NUP210L: variants seen among roughly 807,000 people sequenced by gnomAD.
The protein encoded by NUP210L is nucleoporin 210 like, also known as nuclear pore membrane glycoprotein 210-like.
NUP210L carries 74 observed loss-of-function variants against 208.5 expected under a neutral mutation model. That is an observed-to-expected ratio of 0.35 (90% confidence interval 0.29 to 0.43). NUP210L has a LOEUF of 0.43. NUP210L is among the 20% of genes least tolerant of loss of function. The pLI is 1.00. For missense variants in NUP210L, 1,843 were observed against 2,289.4 expected (o/e 0.81, Z 3.98); for synonymous variants, 780 against 816.9 (o/e 0.95, Z 0.77).
At chr1:154,127,328 T>C (rs1327825712) in exon 9 of NUP210L, 2 of 1,572,002 alleles carry the variant, frequency 1.3e-6, no homozygotes, top group Non-Finnish European at 1.7e-6. Flanking sequence ...ATATAGACCT[T>C]TGTGCTGCTT....
At chr1:154,044,133 T>C (rs1252065583) in intron 27 of NUP210L, among the ~76,000 whole-genome samples, 4 of 151,974 alleles carry the variant, frequency 2.6e-5, no homozygotes, top group Non-Finnish European at 5.9e-5. Flanking sequence ...CCGCTGGGCA[T>C]GGTGGCTCAT....
At chr1:154,054,403 A>G in exon 25 of NUP210L, 3 of 1,614,026 alleles carry the variant, frequency 1.9e-6, no homozygotes, top group East Asian at 4.5e-5. Context: ...ACCTTCAGAC[A>G]TTACCTGGAA....
chr1:154,154,759 T>C lies in NUP210L; in HGVS notation c.203+83A>G, dbSNP rs114573776. On this transcript the variant is annotated intron_variant, in intron 1 of 39. Transcript: ENST00000368559. ...TTCACGCGGCCCCACACGGTATTCC[T>C]GTGGGATCTTACAGAGGGAACCCCC... 2.7e-3 allele frequency: 2,991 copies of C among 1,125,376 alleles called. 76 individuals carry two copies. In the African/African-American group the frequency reaches 0.04, roughly 15 times the overall value. The allele number at this position is 1,125,376 out of a possible 1,614,324, so 69.7% of individuals were successfully genotyped here. A position where few individuals can be genotyped will look rare whatever the true frequency, so the allele number is the denominator to read the frequency against.
intron 25 of NUP210L, among the ~76,000 whole-genome samples, chr1:154,051,167 G>A (rs1653467012): frequency 1.3e-5 from 2 of 152,190 alleles, no homozygotes; most frequent in African/African-American, 2.4e-5. Flanking sequence ...GGAATCAAAT[G>A]GCTGATTGCC....
At chr1:154,151,047 G>A (rs4521985) in intron 2 of NUP210L, among the ~76,000 whole-genome samples, 46,420 of 151,926 alleles carry the variant, frequency 0.31, 8,037 homozygotes, top group Admixed American at 0.45. Context: ...TTGGTCCCAA[G>A]TCAGACGAAG....
chr1:154,057,359 G>A (rs1014601177), intron 22 of NUP210L, among the ~76,000 whole-genome samples: 1 of 152,040 alleles, frequency 6.6e-6, no homozygotes, highest in Non-Finnish European at 1.5e-5. Context: ...TGGTTAGGGG[G>A]AATTGCAAGA....
At chr1:154,068,839 G>A (rs573655825) in intron 17 of NUP210L, among the ~76,000 whole-genome samples, 7 of 152,052 alleles carry the variant, frequency 4.6e-5, no homozygotes, top group Non-Finnish European at 4.4e-5. Context: ...GTGGGGGAAG[G>A]GGGGAGGGAT....
intron 12 of NUP210L, among the ~76,000 whole-genome samples, chr1:154,113,088 T>G (rs1657122836): frequency 6.7e-6 from 1 of 149,690 alleles, no homozygotes; most frequent in East Asian, 2.0e-4. Context: ...GCCCAGGAGA[T>G]GGAGGTTGTA....
intron 23 of NUP210L, 112 bp downstream of exon 23, chr1:154,056,703 A>G (rs1653887571): frequency 2.7e-6 from 3 of 1,110,306 alleles, no homozygotes; most frequent in Admixed American, 2.8e-5. Flanking sequence ...TGGTGGTGTG[A>G]GCCACTGTGC....
At chr1:154,146,714 G>C (rs192633832) in intron 2 of NUP210L, among the ~76,000 whole-genome samples, 7 of 148,144 alleles carry the variant, frequency 4.7e-5, no homozygotes, top group Admixed American at 1.4e-4. Context: ...CAGGATACAT[G>C]AAAGTATCTC....
intron 30 of NUP210L, among the ~76,000 whole-genome samples, chr1:154,024,688 A>ATT (rs35432384): frequency 0.26 from 35,904 of 136,288 alleles, 4,843 homozygotes; most frequent in Admixed American, 0.37. Flanking sequence ...AAGCCCGGCT[A>ATT]TTTTTTTTTT....
chr1:154,019,521 T>C (rs544431023), intron 32 of NUP210L, among the ~76,000 whole-genome samples: 88 of 152,302 alleles, frequency 5.8e-4, no homozygotes, highest in African/African-American at 1.9e-3. Flanking sequence ...GTACTTAGCC[T>C]GCAGGATTAC....
At chr1:154,100,814 A>G (rs1656433176) in intron 13 of NUP210L, among the ~76,000 whole-genome samples, 1 of 151,182 alleles carries the variant, frequency 6.6e-6, no homozygotes. Context: ...CACCGCACCC[A>G]GCCACAAGCA....
intron 30 of NUP210L, among the ~76,000 whole-genome samples, chr1:154,023,811 C>T (rs1457392392): frequency 3.5e-5 from 5 of 141,460 alleles, no homozygotes; most frequent in East Asian, 2.1e-4. Context: ...TTTTTTGAGA[C>T]GGAATTTTGC....
Position 154,094,921 on chromosome 1 carries a change from A to T in NUP210L, c.2187+14T>A, listed in dbSNP as rs1656106852. On this transcript the variant is annotated intron_variant, in intron 15 of 39. Transcript: ENST00000368559. ...TTACACTAAAGAAAATGTTATAAAA[A>T]ACTGTTTTCCTACTTGTTCCCCTAA... is the stretch of plus-strand genomic sequence containing the variant. 1 of 1,597,258 alleles carries T rather than the reference A, an allele frequency of 6.3e-7. No individual in the cohort carries two copies. Among genetic ancestry groups the T allele is most frequent in the African/African-American group, 1.3e-5 (1 of 74,614 alleles).
chr1:153,993,080 G>T (rs780297069), exon 39 of NUP210L: 1 of 1,612,282 alleles, frequency 6.2e-7, no homozygotes, highest in South Asian at 1.1e-5. Flanking sequence ...GTTTAGGAAG[G>T]CATTGTATGC....
At chr1:154,095,190 G>T in intron 14 of NUP210L, 34 bp from the exon 15 acceptor site, 1 of 1,478,906 alleles carries the variant, frequency 6.8e-7, no homozygotes, top group African/African-American at 1.4e-5. Flanking sequence ...TTCCTGATAG[G>T]TTAGGGAATT....
intron 7 of NUP210L, among the ~76,000 whole-genome samples, chr1:154,131,933 C>T (rs1185528159): frequency 6.6e-6 from 1 of 152,074 alleles, no homozygotes; most frequent in Non-Finnish European, 1.5e-5. Flanking sequence ...GGAGTTCCTC[C>T]CGAGTAGCTG....
intron 35 of NUP210L, among the ~76,000 whole-genome samples, chr1:154,002,906 G>A (rs148317625): frequency 1.2e-4 from 18 of 152,126 alleles, no homozygotes; most frequent in African/African-American, 3.9e-4. Context: ...GACAAGCTTT[G>A]AGCATCATTA....
Sources: gnomAD v4.1 joint callset for allele counts (sites outside exome capture counted in the v4.1 genomes callset) on GRCh38, gnomAD v4.1.1 for gene constraint, MANE v1.5 for transcripts, NCBI Gene and HGNC (gene_info 2026-07-23, HGNC 2026-07-21) for gene names.